ZYG11B: variants seen among roughly 807,000 people sequenced by gnomAD.
The protein encoded by ZYG11B is protein zyg-11 homolog B.
In ZYG11B, 36 loss-of-function variants were observed where a neutral mutation model predicts 82.4. The ratio of observed to expected loss-of-function variants is 0.44; its 90% CI spans 0.33 to 0.58. The LOEUF is 0.58. Among genes scored for constraint, ZYG11B ranks in the 20% least tolerant of loss-of-function variants. The pLI is 0.02. For synonymous variants in ZYG11B, 303 were observed against 312.8 expected, an observed-to-expected ratio of 0.97 and a Z score of 0.33; for missense variants, 552 against 895.6, an observed-to-expected ratio of 0.62 and a Z score of 4.90.
At chr1:52,792,910 G>T (rs764713209) in intron 6 of ZYG11B, among the ~76,000 whole-genome samples, 15 of 151,882 alleles carry the variant, frequency 9.9e-5, no homozygotes, top group Non-Finnish European at 1.9e-4. Context: ...GCAAGATCTC[G>T]GCTCACTGCA....
At chr1:52,776,402 C>T (rs1014982962) in intron 3 of ZYG11B, among the ~76,000 whole-genome samples, 1 of 149,644 alleles carries the variant, frequency 6.7e-6, no homozygotes, top group African/African-American at 2.5e-5. Context: ...GGCATGGTGA[C>T]AGATGCCTGT....
intron 10 of ZYG11B, among the ~76,000 whole-genome samples, chr1:52,806,628 T>C (rs1202713021): frequency 1.3e-5 from 2 of 152,190 alleles, no homozygotes; most frequent in East Asian, 3.8e-4. Flanking sequence ...GATATAGCCA[T>C]TTGTACTTTC....
rs1422352303 is a variant in ZYG11B, at chr1:52,726,511, C to T, written c.-143C>T. On this transcript the variant is annotated 5_prime_UTR_variant, in exon 1 of 14. It adds an upstream start codon to the 5' untranslated region. Coordinates refer to ENST00000294353, the MANE Select transcript of ZYG11B (RefSeq NM_024646.3). ...GCTGCGGCTGCGGCTGCTACTGCTA[C>T]GCTCCTAGCTTGAGGGAAAGAGGCC... is the stretch of plus-strand genomic sequence containing the variant. 10 of 729,332 alleles carry T rather than the reference C, an allele frequency of 1.4e-5. No individual in the cohort carries two copies. The East Asian group carries it at 1.8e-4, about 13-fold the overall frequency. 45.2% of individuals were successfully genotyped at this position (729,332 alleles called of 1,614,324 possible). A position where few individuals can be genotyped will look rare whatever the true frequency, so the allele number is the denominator to read the frequency against.
chr1:52,753,424 C>T (rs1358400425), intron 1 of ZYG11B, among the ~76,000 whole-genome samples: 2 of 137,256 alleles, frequency 1.5e-5, no homozygotes, highest in Non-Finnish European at 3.1e-5. Context: ...TGTTGTTGTT[C>T]TTTTTTTTTT....
At chr1:52,755,524 G>A (rs1418174776) in intron 1 of ZYG11B, among the ~76,000 whole-genome samples, 3 of 151,964 alleles carry the variant, frequency 2.0e-5, no homozygotes, top group Non-Finnish European at 2.9e-5. Flanking sequence ...TTTATGAGAC[G>A]GAGTTTCGCT....
chr1:52,786,550 A>G lies in ZYG11B; in HGVS notation c.1269+1497A>G, dbSNP rs576714946. On this transcript the variant is annotated intron_variant, in intron 5 of 13. Transcript: ENST00000294353. ...GATCACTTGAGCCCAGGAGTTCAAG[A>G]CCAACTTGGGCAACATAGTGAGGCC... 9.9e-5 allele frequency among the ~76,000 whole-genome samples: 15 copies of G among 152,222 alleles called. No homozygotes were observed. The East Asian group carries it at 2.7e-3, about 27-fold the overall frequency.
chr1:52,796,315 T>C lies in ZYG11B; in HGVS notation c.1358T>C (p.Met453Thr). 6.2e-7 allele frequency: 1 copy of C among 1,613,916 alleles called. No homozygotes were observed. The highest frequency in any genetic ancestry group is 8.5e-7 in the Non-Finnish European group (1 of 1,179,856). Residue 453 changes from methionine (M) to threonine (T), a missense_variant, in exon 7 of 14, where the codon ATG becomes ACG. By Grantham distance (81) the Met-to-Thr change is moderately conservative (BLOSUM62 -1). Transcript: ENST00000294353. ...FNRFEAAKLV[M>T]QWLCNHEDQN... is the part of the protein sequence containing the mutation. ...AGGTTTGAAGCAGCCAAGCTTGTCATGCAGTGGCTTTGCAACCATGAGGAT... is the reference window on the plus strand; with the variant it reads ...AGGTTTGAAGCAGCCAAGCTTGTCACGCAGTGGCTTTGCAACCATGAGGAT...
intron 4 of ZYG11B, among the ~76,000 whole-genome samples, chr1:52,784,420 G>T (rs910604599): frequency 6.6e-6 from 1 of 152,226 alleles, no homozygotes; most frequent in Non-Finnish European, 1.5e-5. Flanking sequence ...TTCGTTGGGG[G>T]TTTGAGGGCA....
chr1:52,727,003 TCTC>T (rs1021999097), intron 1 of ZYG11B, among the ~76,000 whole-genome samples: 3 of 151,844 alleles, frequency 2.0e-5, no homozygotes, highest in Admixed American at 1.3e-4. Flanking sequence ...TTCCTTTCTT[TCTC>T]CTCTATCATT....
At chr1:52,755,800 C>T (rs149476819) in intron 1 of ZYG11B, among the ~76,000 whole-genome samples, 458 of 151,922 alleles carry the variant, frequency 3.0e-3, no homozygotes, top group Non-Finnish European at 5.2e-3. Context: ...CCACCACACC[C>T]GGCTTTGTTT....
At chr1:52,777,549 G>A (rs1367388096) in intron 3 of ZYG11B, among the ~76,000 whole-genome samples, 1 of 152,058 alleles carries the variant, frequency 6.6e-6, no homozygotes, top group Non-Finnish European at 1.5e-5. Context: ...GGCTCAAGCA[G>A]TCCTCTTCAG....
chr1:52,758,987 A>T (rs2149931374), intron 2 of ZYG11B, among the ~76,000 whole-genome samples: 1 of 152,306 alleles, frequency 6.6e-6, no homozygotes, highest in South Asian at 2.1e-4. Context: ...GCTGCAGTGC[A>T]GTGGTGCAAT....
chr1:52,807,202 A>G (rs561488274), intron 10 of ZYG11B, among the ~76,000 whole-genome samples: 2 of 151,040 alleles, frequency 1.3e-5, no homozygotes, highest in East Asian at 2.0e-4. Context: ...GGGTTTCACC[A>G]TGTTGTCCAG....
intron 1 of ZYG11B, among the ~76,000 whole-genome samples, chr1:52,729,120 C>T (rs192610362): frequency 7.2e-5 from 11 of 152,276 alleles, no homozygotes; most frequent in Admixed American, 1.3e-4. Flanking sequence ...TTCAGTGTCT[C>T]GTGAGGGCTC....
At position 52,803,137 on chromosome 1, in the gene ZYG11B, CACATATATATATATAT is replaced by C. The variant is rs1558140196; in HGVS notation, c.1695+1002_1695+1017del. ...ATATATACACACATATATATATACACACATATATATATATATACACATATATATATACACACATATA... is the reference window on the plus strand; with the variant it reads ...ATATATACACACATATATATATACACACACATATATATATACACACATATA... On this transcript the variant is annotated intron_variant, in intron 10 of 13. Transcript: ENST00000294353. Among the ~76,000 whole-genome samples, 56 of 58,916 alleles carry C rather than the reference CACATATATATATATAT, an allele frequency of 9.5e-4. 5 individuals are homozygous for C. The highest frequency in any genetic ancestry group is 8.5e-3 in the Middle Eastern group (1 of 118). The allele number at this position is 58,916 out of a possible 152,430, so 38.7% of individuals were successfully genotyped here.
intron 1 of ZYG11B, among the ~76,000 whole-genome samples, chr1:52,743,237 A>G (rs1571744435): frequency 6.6e-6 from 1 of 151,932 alleles, no homozygotes; most frequent in Non-Finnish European, 1.5e-5. Flanking sequence ...CCCTAATCTC[A>G]AGTACCCAGG....
chr1:52,785,926 T>A (rs776897717), intron 5 of ZYG11B, among the ~76,000 whole-genome samples: 22 of 152,162 alleles, frequency 1.4e-4, no homozygotes, highest in Non-Finnish European at 2.6e-4. Flanking sequence ...TTGATTTTCG[T>A]GGCCTCTGGA....
intron 3 of ZYG11B, among the ~76,000 whole-genome samples, chr1:52,778,209 C>T (rs1256352582): frequency 6.6e-6 from 1 of 152,148 alleles, no homozygotes; most frequent in African/African-American, 2.4e-5. Flanking sequence ...TTCTCCTCAT[C>T]CCTTTCTTTT....
chr1:52,733,823 T>G (rs1488706837), intron 1 of ZYG11B, among the ~76,000 whole-genome samples: 2 of 152,214 alleles, frequency 1.3e-5, no homozygotes, highest in African/African-American at 4.8e-5. Flanking sequence ...TCAGATTAAG[T>G]TATAACAATG....
Sources: allele counts gnomAD v4.1 joint callset (sites outside exome capture counted in the v4.1 genomes callset), GRCh38; gene constraint gnomAD v4.1.1; transcripts MANE v1.5; gene names NCBI Gene and HGNC (gene_info 2026-07-23, HGNC 2026-07-21).